Variants in RUFY2 observed in about 807,000 individuals in gnomAD.
RUFY2 encodes the protein RUN and FYVE domain-containing protein 2.
In RUFY2, 49 loss-of-function variants were observed where a neutral mutation model predicts 94.4. That is an observed-to-expected ratio of 0.52 (90% CI 0.41 to 0.66). RUFY2 has a LOEUF of 0.66. RUFY2 is among the 30% of genes least tolerant of loss of function. The probability of loss-of-function intolerance (pLI) is 0.00; values close to 1 mark genes in which losing one functional copy is unlikely to be tolerated. For missense variants in RUFY2, 541 were observed against 692.8 expected (o/e 0.78, Z 2.46); for synonymous variants, 255 against 235.7 (o/e 1.08, Z -0.75).
At position 68,343,695 on chromosome 10, in the gene RUFY2, C is replaced by T. The variant is rs1410174355; in HGVS notation, c.*2073G>A. 6 of 150,806 alleles carry T rather than the reference C, an allele frequency of 4.0e-5. No individual in the cohort carries two copies. In the Admixed American group the frequency reaches 4.0e-4, roughly 10 times the overall value. The allele number at this position is 150,806 out of a possible 1,614,324, so 9.3% of individuals were successfully genotyped here. A position where few individuals can be genotyped will look rare whatever the true frequency, so the allele number is the denominator to read the frequency against. On this transcript the variant is annotated 3_prime_UTR_variant, in exon 18 of 18. Transcript: ENST00000602465. ...TTGAAAAGTAAAATGAATACGAGTT[C>T]ACAATCACGAAATACAGATTGTTAA...
intron 16 of RUFY2, among the ~76,000 whole-genome samples, chr10:68,350,940 A>C (rs1315628541): frequency 2.0e-5 from 3 of 151,582 alleles, no homozygotes; most frequent in Non-Finnish European, 4.4e-5. Context: ...CGAACTCCCG[A>C]CCTCAGGTGA....
At position 68,346,663 on chromosome 10, in the gene RUFY2, T is replaced by C. The variant is rs1267432383; in HGVS notation, c.1600-579A>G. 3.9e-5 allele frequency: 6 copies of C among 152,262 alleles called. No homozygotes were observed. In the East Asian group the frequency reaches 1.2e-3, roughly 29 times the overall value. The allele number at this position is 152,262 out of a possible 1,614,324, so 9.4% of individuals were successfully genotyped here. On this transcript the variant is annotated intron_variant, in intron 16 of 17. Coordinates refer to ENST00000602465, the MANE Select transcript of RUFY2 (RefSeq NM_001330103.2). ...TATTTTTTAAATTTTTGTGGGTACA[T>C]AGTAGTTACATATTTATGGGGTACA...
chr10:68,394,779 G>A (rs1023534310), intron 4 of RUFY2, among the ~76,000 whole-genome samples: 23 of 151,606 alleles, frequency 1.5e-4, no homozygotes, highest in Admixed American at 9.9e-4. Flanking sequence ...ACAGGTGCCC[G>A]CCACCGCACC....
At chr10:68,395,913 G>C (rs1212854562) in intron 4 of RUFY2, among the ~76,000 whole-genome samples, 2 of 152,350 alleles carry the variant, frequency 1.3e-5, no homozygotes, top group African/African-American at 4.8e-5. Flanking sequence ...GAACAAGAAT[G>C]AATGGAGGAC....
downstream of RUFY2, chr10:68,341,814 T>C: frequency 6.2e-7 from 1 of 1,611,194 alleles, no homozygotes; most frequent in Non-Finnish European, 8.5e-7. Context: ...ACAATTACAG[T>C]GGAGGATATG....
intron 10 of RUFY2, among the ~76,000 whole-genome samples, chr10:68,382,817 G>T (rs1030880194): frequency 6.6e-6 from 1 of 152,026 alleles, no homozygotes; most frequent in Non-Finnish European, 1.5e-5. Flanking sequence ...CTGGGTGGAG[G>T]TTACGCAGGT....
At chr10:68,356,611 G>A (rs532250154) in intron 15 of RUFY2, among the ~76,000 whole-genome samples, 3 of 151,824 alleles carry the variant, frequency 2.0e-5, no homozygotes, top group Admixed American at 6.6e-5. Flanking sequence ...GCAGTGGCAC[G>A]ATCTCAACTC....
chr10:68,381,736 T>A (rs2049071505), intron 10 of RUFY2, among the ~76,000 whole-genome samples: 1 of 152,078 alleles, frequency 6.6e-6, no homozygotes, highest in Non-Finnish European at 1.5e-5. Flanking sequence ...TAGTCCCAGC[T>A]ACCAGAGAGG....
At chr10:68,358,820 A>G (rs1481728250) in intron 15 of RUFY2, among the ~76,000 whole-genome samples, 1 of 152,130 alleles carries the variant, frequency 6.6e-6, no homozygotes, top group Non-Finnish European at 1.5e-5. Context: ...CTGAGGCAGG[A>G]GAATCGCTTG....
At chr10:68,346,463 A>G (rs2046281363) in intron 16 of RUFY2, 1 of 174,304 alleles carries the variant, frequency 5.7e-6, no homozygotes, top group African/African-American at 2.4e-5. Context: ...AAGACTGCAC[A>G]TGATAAATAT....
At chr10:68,370,581 G>A (rs7071491) in intron 13 of RUFY2, among the ~76,000 whole-genome samples, 16,432 of 151,118 alleles carry the variant, frequency 0.11, 1,101 homozygotes, top group South Asian at 0.24. Flanking sequence ...CAGAAGTTCA[G>A]GTTCACAGTG....
At chr10:68,359,207 C>T (rs1404930222) in intron 15 of RUFY2, among the ~76,000 whole-genome samples, 2 of 151,748 alleles carry the variant, frequency 1.3e-5, no homozygotes, top group Admixed American at 6.6e-5. Context: ...GGTGAAATCC[C>T]ACCTCTACTA....
chr10:68,370,415 C>T (rs1436785122), intron 13 of RUFY2, among the ~76,000 whole-genome samples: 2 of 151,688 alleles, frequency 1.3e-5, no homozygotes, highest in African/African-American at 4.8e-5. Context: ...GGACTTGAAT[C>T]CCCATGCAGC....
At chr10:68,365,684 T>C (rs1211193459) in intron 13 of RUFY2, among the ~76,000 whole-genome samples, 7 of 152,246 alleles carry the variant, frequency 4.6e-5, no homozygotes, top group Admixed American at 3.9e-4. Flanking sequence ...ATTAGCAGTT[T>C]AGTGATGTTT....
At chr10:68,383,345 G>A (rs1384251621) in intron 10 of RUFY2, among the ~76,000 whole-genome samples, 3 of 143,950 alleles carry the variant, frequency 2.1e-5, no homozygotes, top group East Asian at 2.2e-4. Context: ...TAGGCTGGGC[G>A]CAGTGGCTCA....
chr10:68,366,324 C>T (rs752029714), intron 13 of RUFY2, among the ~76,000 whole-genome samples: 4 of 104,690 alleles, frequency 3.8e-5, no homozygotes, highest in Non-Finnish European at 7.6e-5. Context: ...AGCAAGAACT[C>T]CATCTCAAAA....
chr10:68,363,556 A>G, intron 15 of RUFY2, 34 bp downstream of exon 15: 1 of 1,353,560 alleles, frequency 7.4e-7, no homozygotes, highest in Non-Finnish European at 1.0e-6. Context: ...AAAAGTCAAT[A>G]ATGACTACTT....
At chr10:68,375,324 G>T in intron 13 of RUFY2, among the ~76,000 whole-genome samples, 1 of 125,218 alleles carries the variant, frequency 8.0e-6, no homozygotes, top group South Asian at 2.8e-4. Flanking sequence ...GGGGGAGGAT[G>T]GGGGGAGGGA....
At chr10:68,385,914 A>G (rs920226101) in intron 8 of RUFY2, 145 bp downstream of exon 8, 1 of 440,684 alleles carries the variant, frequency 2.3e-6, no homozygotes, top group Non-Finnish European at 4.0e-6. Context: ...ACTTATAATC[A>G]TCAGTTACGA....
Sources: gnomAD v4.1 joint callset for allele counts (sites outside exome capture counted in the v4.1 genomes callset) on GRCh38, gnomAD v4.1.1 for gene constraint, MANE v1.5 for transcripts, NCBI Gene and HGNC (gene_info 2026-07-23, HGNC 2026-07-21) for gene names.